LHFPL3: variants seen among roughly 807,000 people sequenced by gnomAD.
LHFPL3 encodes LHFPL tetraspan subfamily member 3.
In LHFPL3, 5 loss-of-function variants were observed where a neutral mutation model predicts 19.3. The observed-to-expected ratio is 0.26, with a 90% CI of 0.14 to 0.54. The LOEUF is 0.54. Among genes scored for constraint, LHFPL3 ranks in the 20% least tolerant of loss-of-function variants. The probability of loss-of-function intolerance (pLI) is 0.94; values close to 1 mark genes in which losing one functional copy is unlikely to be tolerated. For missense variants in LHFPL3, 249 were observed against 307.4 expected, an observed-to-expected ratio of 0.81 and a Z score of 1.42; for synonymous variants, 133 against 126.2, an observed-to-expected ratio of 1.05 and a Z score of -0.36.
intron 2 of LHFPL3, among the ~76,000 whole-genome samples, chr7:104,832,624 C>CTTT (rs10636405): frequency 0.082 from 10,853 of 131,946 alleles, 1,086 homozygotes; most frequent in East Asian, 0.41. Flanking sequence ...TTTTTTCCTT[C>CTTT]TTTTTTTTTT....
At chr7:104,486,459 G>T (rs1793239416) in intron 1 of LHFPL3, among the ~76,000 whole-genome samples, 1 of 152,184 alleles carries the variant, frequency 6.6e-6, no homozygotes, top group Non-Finnish European at 1.5e-5. Flanking sequence ...GGCAGATTCA[G>T]TGTGTGATGA....
chr7:104,660,421 GA>G (rs1180047700), intron 1 of LHFPL3, among the ~76,000 whole-genome samples: 1 of 152,172 alleles, frequency 6.6e-6, no homozygotes, highest in Non-Finnish European at 1.5e-5. Flanking sequence ...TCTTGGCTTG[GA>G]AAAATAATGG....
chr7:104,580,718 C>G (rs1426512082), intron 1 of LHFPL3, among the ~76,000 whole-genome samples: 3 of 152,052 alleles, frequency 2.0e-5, no homozygotes, highest in African/African-American at 7.2e-5. Flanking sequence ...TCCACCCCTA[C>G]CCTCAGCAAC....
Position 104,368,267 on chromosome 7 carries a change from G to T in LHFPL3, c.445+39043G>T, listed in dbSNP as rs141419020. Among the ~76,000 whole-genome samples, 15 of 152,278 alleles carry T rather than the reference G, an allele frequency of 9.9e-5. No homozygotes were observed. The East Asian group carries it at 2.7e-3, about 27-fold the overall frequency. ...TTGCTTGTGGTTAAAACTCTGTGCAGCCTCTTTTAGTTGTTGTTGTTATTG... is the reference window on the plus strand; with the variant it reads ...TTGCTTGTGGTTAAAACTCTGTGCATCCTCTTTTAGTTGTTGTTGTTATTG... On this transcript the variant is annotated intron_variant, in intron 1 of 2. Transcript: ENST00000424859.
chr7:104,792,011 G>A (rs756109691), intron 2 of LHFPL3, among the ~76,000 whole-genome samples: 1 of 152,102 alleles, frequency 6.6e-6, no homozygotes, highest in Non-Finnish European at 1.5e-5. Context: ...GAGAGATATT[G>A]GATCTTTAAG....
In LHFPL3 at chr7:104,608,731, T is replaced by G. The variant is rs192538177; in HGVS notation, c.446-127944T>G. On this transcript the variant is annotated intron_variant, in intron 1 of 2. Transcript: ENST00000424859. ...CTGGCAGTTAGGAGCATGCCCTTGT[T>G]TTTTTGAAGTGAGAATGAGGAGTGA... 7.7e-3 allele frequency among the ~76,000 whole-genome samples: 1,179 copies of G among 152,248 alleles called. 5 individuals carry two copies. The highest frequency in any genetic ancestry group is 0.012 in the Non-Finnish European group (823 of 68,002).
intron 1 of LHFPL3, among the ~76,000 whole-genome samples, chr7:104,466,418 T>C (rs969043770): frequency 6.6e-6 from 1 of 152,030 alleles, no homozygotes. Flanking sequence ...AATGATAACA[T>C]TGGAGACAAG....
Position 104,370,662 on chromosome 7 carries a change from C to T in LHFPL3, c.445+41438C>T, listed in dbSNP as rs189008448. ...CTTTGGGTGGCCAATGCTGGTGGAT[C>T]GCCCGTGGTCAGAGTTCGAGACCAG... On this transcript the variant is annotated intron_variant, in intron 1 of 2. Transcript: ENST00000424859. Among the ~76,000 whole-genome samples the T allele has an allele frequency of 3.7e-3, 563 of 152,170 alleles. 3 individuals are homozygous for T. The highest frequency in any genetic ancestry group is 0.012 in the African/African-American group (489 of 41,528).
intron 1 of LHFPL3, among the ~76,000 whole-genome samples, chr7:104,422,362 A>AAACAACAACAACAACAACAAC (rs139661329): frequency 7.3e-5 from 11 of 151,582 alleles, no homozygotes; most frequent in African/African-American, 2.7e-4. Flanking sequence ...CTCTGTCTCA[A>AAACAACAACAACAACAACAAC]AACAACAACA....
At chr7:104,778,089 C>A (rs1332299529) in intron 2 of LHFPL3, among the ~76,000 whole-genome samples, 3 of 152,202 alleles carry the variant, frequency 2.0e-5, no homozygotes, top group African/African-American at 7.2e-5. Flanking sequence ...AAGAAGTAGA[C>A]CCAGGTCCTA....
chr7:104,520,400 A>G (rs1473826487), intron 1 of LHFPL3, among the ~76,000 whole-genome samples: 1 of 146,910 alleles, frequency 6.8e-6, no homozygotes. Flanking sequence ...ATATTGGTCT[A>G]AAATTCTCTT....
chr7:104,779,756 A>AGAACATGATAGAACTTGATG (rs1483708340), intron 2 of LHFPL3, among the ~76,000 whole-genome samples: 12 of 152,226 alleles, frequency 7.9e-5, no homozygotes, highest in African/African-American at 2.7e-4. Context: ...CAAACTTGAT[A>AGAACATGATAGAACTTGATG]GAACATGATA....
chr7:104,555,930 T>A (rs375564112), intron 1 of LHFPL3, among the ~76,000 whole-genome samples: 1 of 152,314 alleles, frequency 6.6e-6, no homozygotes, highest in South Asian at 2.1e-4. Flanking sequence ...ACAGGCCCCA[T>A]GCAAGTCCAG....
chr7:104,733,308 T>C (rs114767029), intron 1 of LHFPL3, among the ~76,000 whole-genome samples: 95 of 152,318 alleles, frequency 6.2e-4, no homozygotes, highest in African/African-American at 2.1e-3. Context: ...TTCTGTCTAA[T>C]GTAGAGAGTG....
At chr7:104,552,422 G>T (rs1270454491) in intron 1 of LHFPL3, among the ~76,000 whole-genome samples, 2 of 152,190 alleles carry the variant, frequency 1.3e-5, no homozygotes, top group Non-Finnish European at 2.9e-5. Flanking sequence ...TTTGCAAGGA[G>T]ACTAGAGTGT....
intron 1 of LHFPL3, among the ~76,000 whole-genome samples, chr7:104,531,690 T>G (rs1794298249): frequency 6.6e-6 from 1 of 152,068 alleles, no homozygotes; most frequent in Non-Finnish European, 1.5e-5. Flanking sequence ...ACTTATATAG[T>G]GAGTATGAAC....
chr7:104,500,679 C>T (rs968911539), intron 1 of LHFPL3, among the ~76,000 whole-genome samples: 19 of 152,188 alleles, frequency 1.2e-4, no homozygotes, highest in Non-Finnish European at 4.4e-5. Context: ...ACTTTTACCA[C>T]CTTTCCCTCG....
chr7:104,426,826 T>A (rs964518249), intron 1 of LHFPL3, among the ~76,000 whole-genome samples: 6 of 152,208 alleles, frequency 3.9e-5, no homozygotes, highest in African/African-American at 1.4e-4. Flanking sequence ...TAGGATTTAA[T>A]TTCTACACTG....
At chr7:104,844,773 C>T (rs1299743266) in intron 2 of LHFPL3, among the ~76,000 whole-genome samples, 1 of 152,144 alleles carries the variant, frequency 6.6e-6, no homozygotes, top group African/African-American at 2.4e-5. Flanking sequence ...CGCAATTTTG[C>T]TGTCACCCAG....
Sources: gnomAD v4.1 joint callset for allele counts (sites outside exome capture counted in the v4.1 genomes callset) on GRCh38, gnomAD v4.1.1 for gene constraint, MANE v1.5 for transcripts, NCBI Gene and HGNC (gene_info 2026-07-23, HGNC 2026-07-21) for gene names.